Variants in KDM1B observed in about 807,000 individuals in gnomAD.
KDM1B encodes lysine-specific histone demethylase 2.
In KDM1B, 63 loss-of-function variants were observed where a neutral mutation model predicts 107.4. The ratio of observed to expected loss-of-function variants is 0.59; its 90% CI spans 0.48 to 0.72. KDM1B has a LOEUF of 0.72. Among genes scored for constraint, KDM1B ranks in the 30% least tolerant of loss-of-function variants. The probability of loss-of-function intolerance (pLI) is 0.00; values close to 1 mark genes in which losing one functional copy is unlikely to be tolerated. For missense variants in KDM1B, 749 were observed against 1,020.8 expected (o/e 0.73, Z 3.63); for synonymous variants, 363 against 363.9 (o/e 1.00, Z 0.03).
intron 2 of KDM1B, among the ~76,000 whole-genome samples, chr6:18,158,442 A>G (rs1393091178): frequency 6.6e-6 from 1 of 152,170 alleles, no homozygotes; most frequent in Non-Finnish European, 1.5e-5. Context: ...ATAATCCATG[A>G]AAAGTACTCT....
rs960038640 is a variant in KDM1B, at chr6:18,171,291, A to G, written c.418-72A>G. ...GCTAACAGGTTGGAGAAGATGACCA[A>G]GTGGTGGAGGATAGAAATGGTAACT... On this transcript the variant is annotated intron_variant, in intron 6 of 21. Transcript: ENST00000650836. 3 of 816,312 alleles carry G rather than the reference A, an allele frequency of 3.7e-6. No homozygotes were observed. In the Admixed American group the frequency reaches 5.1e-5, roughly 14 times the overall value. 50.6% of individuals were successfully genotyped at this position (816,312 alleles called of 1,614,324 possible). A position where few individuals can be genotyped will look rare whatever the true frequency, so the allele number is the denominator to read the frequency against.
At position 18,201,530 on chromosome 6, in the gene KDM1B, T is replaced by A; in HGVS notation, c.1404T>A (p.Ile468=). The change falls in exon 14 of 22, where the codon ATT becomes ATA. Residue 468 remains isoleucine, a synonymous_variant. Transcript: ENST00000650836. The surrounding 1 kb of genome is among the most constrained non-coding windows in gnomAD (Gnocchi z 4.3). ...AATTTGGAGAAAGATGTGACTTAAT[T>A]CAGGAAGGTGGAAGAATAACTGACC... The part of the protein sequence containing the change: ...MHKFGERCDL[I]QEGGRITDPT... 1 of 1,550,370 alleles carries A rather than the reference T, an allele frequency of 6.5e-7. No homozygotes were observed. The highest frequency in any genetic ancestry group is 8.7e-7 in the Non-Finnish European group (1 of 1,146,864).
chr6:18,165,409 C>T (rs912276796), intron 5 of KDM1B, among the ~76,000 whole-genome samples: 2 of 151,894 alleles, frequency 1.3e-5, no homozygotes, highest in South Asian at 2.1e-4. Flanking sequence ...GGATTACAGG[C>T]GTGAGCCACC....
Position 18,210,342 on chromosome 6 carries a change from C to CTTTTTT in KDM1B, c.1867-2121_1867-2116dup, listed in dbSNP as rs533016543. On this transcript the variant is annotated intron_variant, in intron 17 of 21. Transcript: ENST00000650836. ...TCTTTCTTTTTTTTCTCTTTCTTTTCTTTTTTTTTTTTTTTTTTTTTTTTT... is the reference window on the plus strand; with the variant it reads ...TCTTTCTTTTTTTTCTCTTTCTTTTCTTTTTTTTTTTTTTTTTTTTTTTTTTTTTTT... 6.6e-3 allele frequency among the ~76,000 whole-genome samples: 462 copies of CTTTTTT among 69,800 alleles called. 8 individuals carry two copies. The highest frequency in any genetic ancestry group is 0.011 in the East Asian group (27 of 2,374). 45.8% of individuals were successfully genotyped at this position (69,800 alleles called of 152,430 possible).
At chr6:18,160,849 C>T (rs1185170237) in intron 3 of KDM1B, among the ~76,000 whole-genome samples, 2 of 110,028 alleles carry the variant, frequency 1.8e-5, no homozygotes, top group Non-Finnish European at 3.6e-5. Context: ...TTTTTTTTTC[C>T]AGACAATCTC....
At chr6:18,188,101 C>G (rs1786997679) in intron 9 of KDM1B, 99 bp downstream of exon 9, 1 of 1,102,646 alleles carries the variant, frequency 9.1e-7, no homozygotes, top group Non-Finnish European at 1.3e-6. Flanking sequence ...TTTAAATGTG[C>G]AGGCTGGGCA....
intron 21 of KDM1B, among the ~76,000 whole-genome samples, chr6:18,218,997 G>C (rs1362434713): frequency 6.6e-6 from 1 of 152,018 alleles, no homozygotes; most frequent in East Asian, 1.9e-4. Context: ...CTGCCTCCTG[G>C]GTTCACACCA....
In KDM1B at chr6:18,209,612, T is replaced by C. The variant is rs1005333990; in HGVS notation, c.1866+1406T>C. On this transcript the variant is annotated intron_variant, in intron 17 of 21. Transcript: ENST00000650836. The surrounding 1 kb of genome is among the most constrained non-coding windows in gnomAD (Gnocchi z 4.3). The stretch of plus-strand genomic sequence containing the variant: ...TGTTGAATTGGCCTCGCTTTTTTGT[T>C]TGTTTTTTTCAGAGACAGGGTCTCA... 1.3e-5 allele frequency among the ~76,000 whole-genome samples: 2 copies of C among 152,164 alleles called. No individual in the cohort carries two copies. Among genetic ancestry groups the C allele is most frequent in the African/African-American group, 4.8e-5 (2 of 41,436 alleles).
At position 18,186,061 on chromosome 6, in the gene KDM1B, C is replaced by A. The variant is rs532129543; in HGVS notation, c.573+251C>A. 5.3e-5 allele frequency among the ~76,000 whole-genome samples: 8 copies of A among 152,324 alleles called. No homozygotes were observed. In the South Asian group the frequency reaches 6.2e-4, roughly 12 times the overall value. ...TTAAAAGGAAACAAAGAGGAAGACA[C>A]AGCTCTCCTGCCTTGCTCTAGGGCT... On this transcript the variant is annotated intron_variant, in intron 8 of 21. Transcript: ENST00000650836. The surrounding 1 kb of genome is among the most constrained non-coding windows in gnomAD (Gnocchi z 5.6).
In KDM1B at chr6:18,172,148, A is replaced by G. The variant is rs144758235; in HGVS notation, c.534+669A>G. On this transcript the variant is annotated intron_variant, in intron 7 of 21. Coordinates refer to ENST00000650836, the MANE Select transcript of KDM1B (RefSeq NM_001364614.2). This position sits in a 1 kb window ranked among gnomAD's most constrained non-coding sequence, Gnocchi z 5.2. ...CCTATTAGTGAGGAAGAAAAGATTA[A>G]TTGATATGCTTGGCAATTAGGAATC... is the stretch of plus-strand genomic sequence containing the variant. 6.6e-6 allele frequency among the ~76,000 whole-genome samples: 1 copy of G among 152,332 alleles called. No individual in the cohort carries two copies. Among genetic ancestry groups the G allele is most frequent in the Non-Finnish European group, 1.5e-5 (1 of 68,026 alleles).
At chr6:18,198,567 T>C (rs186169095) in intron 12 of KDM1B, among the ~76,000 whole-genome samples, 1 of 141,406 alleles carries the variant, frequency 7.1e-6, no homozygotes, top group South Asian at 2.3e-4. Flanking sequence ...AAACGCCCTT[T>C]GCGGAGCTTG....
intron 12 of KDM1B, among the ~76,000 whole-genome samples, chr6:18,199,026 A>AG (rs1490688429): frequency 2.7e-5 from 4 of 148,290 alleles, no homozygotes; most frequent in South Asian, 2.2e-4. Context: ...AAAAAAAAAA[A>AG]AAAAAAAGAA....
intron 17 of KDM1B, among the ~76,000 whole-genome samples, chr6:18,210,969 C>T (rs1788816648): frequency 6.6e-6 from 1 of 152,142 alleles, no homozygotes; most frequent in Admixed American, 6.5e-5. Flanking sequence ...CACTGCACTC[C>T]AGCCGGGGCA....
chr6:18,161,042 A>AC (rs1784941068), intron 3 of KDM1B, among the ~76,000 whole-genome samples: 1 of 152,064 alleles, frequency 6.6e-6, no homozygotes, highest in African/African-American at 2.4e-5. Flanking sequence ...GGCATGAGCC[A>AC]CCACACCCAG....
rs935008421 is a variant in KDM1B at position 18,209,189 on chromosome 6, A to G, written c.1866+983A>G. Among the ~76,000 whole-genome samples, 1 of 152,182 alleles carries G rather than the reference A, an allele frequency of 6.6e-6. No homozygotes were observed. Among genetic ancestry groups the G allele is most frequent in the African/African-American group, 2.4e-5 (1 of 41,440 alleles). On this transcript the variant is annotated intron_variant, in intron 17 of 21. Transcript: ENST00000650836. This position sits in a 1 kb window ranked among gnomAD's most constrained non-coding sequence, Gnocchi z 4.3. ...AGGTACTGCTGAATCAAATACCTGA[A>G]ATCACACTGAGATTTATAGTATTGG... is the stretch of plus-strand genomic sequence containing the variant.
chr6:18,198,059 G>A lies in KDM1B; in HGVS notation c.1221+398G>A, dbSNP rs1399382306. Among the ~76,000 whole-genome samples the A allele has an allele frequency of 2.0e-5, 3 of 151,612 alleles. No individual in the cohort carries two copies. In the East Asian group the frequency reaches 5.8e-4, roughly 29 times the overall value. On this transcript the variant is annotated intron_variant, in intron 12 of 21. Transcript: ENST00000650836. ...TTACAGATGTGTGCCATCATGCCCAGCGAATTTTTGTATTTTTAGTAGAGT... is the reference window on the plus strand; with the variant it reads ...TTACAGATGTGTGCCATCATGCCCAACGAATTTTTGTATTTTTAGTAGAGT...
Position 18,179,840 on chromosome 6 carries a change from G to C in KDM1B, c.535-5932G>C, listed in dbSNP as rs546627744. On this transcript the variant is annotated intron_variant, in intron 7 of 21. Coordinates refer to ENST00000650836, the MANE Select transcript of KDM1B (RefSeq NM_001364614.2). ...TCCAAAATCTTTCAATTTAGCATTG[G>C]TTTTTTTTCCTTTTTTTTTTTTTTT... Among the ~76,000 whole-genome samples, 41 of 79,398 alleles carry C rather than the reference G, an allele frequency of 5.2e-4. 8 individuals carry two copies. Among genetic ancestry groups the C allele is most frequent in the African/African-American group, 1.2e-3 (22 of 19,008 alleles). The allele number at this position is 79,398 out of a possible 152,430, so 52.1% of individuals were successfully genotyped here.
Position 18,201,112 on chromosome 6 carries a change from A to G in KDM1B, c.1360-374A>G, listed in dbSNP as rs1328747783. On this transcript the variant is annotated intron_variant, in intron 13 of 21. Transcript: ENST00000650836. The surrounding 1 kb of genome is among the most constrained non-coding windows in gnomAD (Gnocchi z 4.3). ...GAAATGTTTATTGATGGTCAATTCA[A>G]TTTCAACTTCTGCTATGAGTGTTTG... Among the ~76,000 whole-genome samples, 1 of 152,152 alleles carries G rather than the reference A, an allele frequency of 6.6e-6. No individual in the cohort carries two copies. The highest frequency in any genetic ancestry group is 2.4e-5 in the African/African-American group (1 of 41,430).
At position 18,209,733 on chromosome 6, in the gene KDM1B, G is replaced by A. The variant is rs1192816279; in HGVS notation, c.1866+1527G>A. Among the ~76,000 whole-genome samples the A allele has an allele frequency of 7.2e-5, 11 of 152,086 alleles. No individual in the cohort carries two copies. Among genetic ancestry groups the A allele is most frequent in the Admixed American group, 6.6e-4 (10 of 15,262 alleles). ...GGATCCTCTCACCTGAGCCTCCCTCGAGTAGCTGGGATTACAGGCATGCAC... is the reference window on the plus strand; with the variant it reads ...GGATCCTCTCACCTGAGCCTCCCTCAAGTAGCTGGGATTACAGGCATGCAC... On this transcript the variant is annotated intron_variant, in intron 17 of 21. Transcript: ENST00000650836. This position sits in a 1 kb window ranked among gnomAD's most constrained non-coding sequence, Gnocchi z 4.3.
Sources: gnomAD v4.1 joint callset for allele counts (sites outside exome capture counted in the v4.1 genomes callset) on GRCh38, gnomAD v4.1.1 for gene constraint, Gnocchi (gnomAD v3.1) non-coding constraint, MANE v1.5 for transcripts, NCBI Gene and HGNC (gene_info 2026-07-23, HGNC 2026-07-21) for gene names.